Variants in OTOGL observed in about 807,000 individuals in gnomAD.
The protein encoded by OTOGL is otogelin-like protein.
In OTOGL, 285 loss-of-function variants were observed where a neutral mutation model predicts 318.5. The ratio of observed to expected loss-of-function variants is 0.89; its 90% confidence interval spans 0.81 to 0.99. The LOEUF is 0.99. Ranked by LOEUF, OTOGL falls within the 50% of genes least tolerant of loss-of-function variation. OTOGL has a pLI of 0.00. For missense variants in OTOGL, 2,899 were observed against 2,845.6 expected, an observed-to-expected ratio of 1.02 and a Z score of -0.43; for synonymous variants, 987 against 936.5, an observed-to-expected ratio of 1.05 and a Z score of -0.99.
rs192104078 is a variant in OTOGL, at chr12:80,256,907, T to C, written c.1711+447T>C. 3.9e-5 allele frequency among the ~76,000 whole-genome samples: 6 copies of C among 152,180 alleles called. No homozygotes were observed. In the East Asian group the frequency reaches 1.2e-3, roughly 29 times the overall value. On this transcript the variant is annotated intron_variant, in intron 17 of 58. Transcript: ENST00000547103. Reference sequence around the variant, plus strand: ...GGTTGAAGGGGATGGGGAAAGTGTTTCATGCAGATCAAGGAGGTGTCGAAT... The same window carrying C: ...GGTTGAAGGGGATGGGGAAAGTGTTCCATGCAGATCAAGGAGGTGTCGAAT...
At chr12:80,235,826 G>T (rs1337972680) in intron 9 of OTOGL, among the ~76,000 whole-genome samples, 1 of 152,128 alleles carries the variant, frequency 6.6e-6, no homozygotes, top group African/African-American at 2.4e-5. Flanking sequence ...AATGTTATTT[G>T]CTTCACAGTA....
chr12:80,286,134 T>C (rs921170991), intron 26 of OTOGL, among the ~76,000 whole-genome samples: 1 of 152,196 alleles, frequency 6.6e-6, no homozygotes, highest in Non-Finnish European at 1.5e-5. Flanking sequence ...AATAATCATG[T>C]GGTTTTTGTC....
chr12:80,121,068 G>A (rs1870461244), intron 1 of OTOGL, among the ~76,000 whole-genome samples: 1 of 152,142 alleles, frequency 6.6e-6, no homozygotes, highest in African/African-American at 2.4e-5. Context: ...CAGGTCTGAG[G>A]GGATATTCAA....
intron 1 of OTOGL, among the ~76,000 whole-genome samples, chr12:80,145,349 T>C (rs1872271887): frequency 6.6e-6 from 1 of 152,156 alleles, no homozygotes; most frequent in Non-Finnish European, 1.5e-5. Context: ...CTCAGGTTTG[T>C]CAAAGATCAG....
At chr12:80,319,065 G>A (rs1887160420) in intron 33 of OTOGL, among the ~76,000 whole-genome samples, 1 of 152,158 alleles carries the variant, frequency 6.6e-6, no homozygotes, top group African/African-American at 2.4e-5. Context: ...GCCCCCAAAA[G>A]TAAAAGCAAA....
chr12:80,176,695 G>A (rs1424946984), intron 1 of OTOGL, among the ~76,000 whole-genome samples: 1 of 152,004 alleles, frequency 6.6e-6, no homozygotes, highest in Non-Finnish European at 1.5e-5. Context: ...GTAAATTTCT[G>A]TAAGCATCAA....
rs57141670 is a variant in OTOGL at position 80,259,379 on chromosome 12, T to C, written c.1889+1377T>C. ...ATTTAATTTATTATTATTATTTTTATTTTATATTAAGTTCTAGGATACATA... is the reference window on the plus strand; with the variant it reads ...ATTTAATTTATTATTATTATTTTTACTTTATATTAAGTTCTAGGATACATA... On this transcript the variant is annotated intron_variant, in intron 18 of 58. Coordinates refer to ENST00000547103, the MANE Select transcript of OTOGL (RefSeq NM_001378609.3). 2.3e-3 allele frequency among the ~76,000 whole-genome samples: 346 copies of C among 152,014 alleles called. 4 individuals carry two copies. The highest frequency in any genetic ancestry group is 8.0e-3 in the African/African-American group (332 of 41,502).
chr12:80,334,109 AG>A (rs1888250230), intron 38 of OTOGL, among the ~76,000 whole-genome samples: 1 of 152,142 alleles, frequency 6.6e-6, no homozygotes, highest in African/African-American at 2.4e-5. Flanking sequence ...AGGAGGGAAT[AG>A]AACTGTTTAG....
intron 34 of OTOGL, 142 bp downstream of exon 34, chr12:80,320,842 A>G (rs1887287433): frequency 2.7e-6 from 2 of 752,666 alleles, no homozygotes; most frequent in South Asian, 2.0e-5. Context: ...CTTAACCTCT[A>G]TACCCCTCTA....
intron 8 of OTOGL, among the ~76,000 whole-genome samples, chr12:80,230,906 A>C (rs753422231): frequency 2.0e-5 from 3 of 152,176 alleles, no homozygotes; most frequent in Non-Finnish European, 2.9e-5. Context: ...CCTAGGTTGC[A>C]TGCTTTTCTT....
chr12:80,163,702 G>T (rs1565884634), intron 1 of OTOGL, among the ~76,000 whole-genome samples: 1 of 152,178 alleles, frequency 6.6e-6, no homozygotes, highest in African/African-American at 2.4e-5. Flanking sequence ...GGGTGATTTG[G>T]CTTTGTCCTT....
At chr12:80,344,658 C>T (rs1489830642) in intron 44 of OTOGL, among the ~76,000 whole-genome samples, 2 of 152,040 alleles carry the variant, frequency 1.3e-5, no homozygotes, top group Non-Finnish European at 2.9e-5. Context: ...ACCAATCATG[C>T]AGAATTTAAG....
At chr12:80,273,132 A>G (rs1403499914) in intron 24 of OTOGL, among the ~76,000 whole-genome samples, 1 of 152,120 alleles carries the variant, frequency 6.6e-6, no homozygotes. Context: ...AAATCTCATT[A>G]CAAAACGTTA....
At chr12:80,186,538 A>G (rs1875302678) in intron 1 of OTOGL, among the ~76,000 whole-genome samples, 1 of 152,074 alleles carries the variant, frequency 6.6e-6, no homozygotes, top group South Asian at 2.1e-4. Context: ...TTGTTGAAAA[A>G]CTTTGAGAGG....
chr12:80,292,771 C>A (rs1885132463), intron 26 of OTOGL, among the ~76,000 whole-genome samples: 1 of 152,130 alleles, frequency 6.6e-6, no homozygotes, highest in Non-Finnish European at 1.5e-5. Flanking sequence ...CATACCAGAA[C>A]TATATGAATC....
intron 19 of OTOGL, among the ~76,000 whole-genome samples, chr12:80,262,328 T>C (rs1882613013): frequency 6.6e-6 from 1 of 152,114 alleles, no homozygotes; most frequent in Non-Finnish European, 1.5e-5. Flanking sequence ...CCTATTTTTA[T>C]TTCATAAATT....
intron 25 of OTOGL, 61 bp from the exon 26 acceptor site, chr12:80,278,967 A>G: frequency 1.9e-6 from 3 of 1,540,084 alleles, no homozygotes; most frequent in South Asian, 1.1e-5. Flanking sequence ...TGTTGCTGTC[A>G]CTTGAAATCA....
intron 38 of OTOGL, among the ~76,000 whole-genome samples, chr12:80,333,856 C>G (rs901672634): frequency 6.6e-6 from 1 of 152,122 alleles, no homozygotes; most frequent in East Asian, 1.9e-4. Context: ...GAGGGACCAG[C>G]AAGTGCAAAG....
In OTOGL at chr12:80,302,463, TC is replaced by T. The variant is rs371544398; in HGVS notation, c.3064-169del. On this transcript the variant is annotated intron_variant, in intron 27 of 58. Coordinates refer to ENST00000547103, the MANE Select transcript of OTOGL (RefSeq NM_001378609.3). ...GTCTGGTAATCAATATTTATGTATT[TC>T]CTATTTTGTGCAATTGTTTTGTCTT... Among the ~76,000 whole-genome samples, 349 of 152,392 alleles carry T rather than the reference TC, an allele frequency of 2.3e-3. 1 individual carries two copies. The highest frequency in any genetic ancestry group is 7.6e-3 in the African/African-American group (317 of 41,596).
Sources: gnomAD v4.1 joint callset for allele counts (sites outside exome capture counted in the v4.1 genomes callset) on GRCh38, gnomAD v4.1.1 for gene constraint, MANE v1.5 for transcripts, NCBI Gene and HGNC (gene_info 2026-07-23, HGNC 2026-07-21) for gene names.